Variants in MCCC2 observed in about 807,000 individuals in gnomAD.
The protein encoded by MCCC2 is methylcrotonoyl-CoA carboxylase beta chain, mitochondrial.
MCCC2 carries 52 observed loss-of-function variants against 77.2 expected under a neutral mutation model. The observed-to-expected ratio is 0.67, with a 90% CI of 0.54 to 0.85. The LOEUF is 0.85. Ranked by LOEUF, MCCC2 falls within the 40% of genes least tolerant of loss-of-function variation. The probability of loss-of-function intolerance (pLI) is 0.00; values close to 1 mark genes in which losing one functional copy is unlikely to be tolerated. For missense variants in MCCC2, 682 were observed against 703.2 expected, an observed-to-expected ratio of 0.97 and a Z score of 0.34; for synonymous variants, 253 against 248.4, an observed-to-expected ratio of 1.02 and a Z score of -0.18.
intron 2 of MCCC2, among the ~76,000 whole-genome samples, chr5:71,594,464 G>T (rs574511978): frequency 2.0e-5 from 3 of 150,308 alleles, no homozygotes; most frequent in Non-Finnish European, 2.9e-5. Context: ...GGAGGCGGAG[G>T]TTGCAGTGAG....
At chr5:71,587,699 A>G (rs1744819078) in intron 1 of MCCC2, 145 bp downstream of exon 1, 1 of 1,122,964 alleles carries the variant, frequency 8.9e-7, no homozygotes, top group Non-Finnish European at 1.3e-6. Flanking sequence ...AGAAAAGCCT[A>G]ACAGATACAA....
intron 8 of MCCC2, 144 bp from the exon 9 acceptor site, chr5:71,634,799 C>G (rs1017359766): frequency 1.4e-6 from 1 of 724,040 alleles, no homozygotes; most frequent in South Asian, 1.7e-5. Context: ...CTTAAGATGA[C>G]ATTTATTAAA....
rs1261633933 is a variant in MCCC2 at position 71,634,941 on chromosome 5, A to C, written c.804-2A>C. The C allele has an allele frequency of 6.2e-7, 1 of 1,613,798 alleles. No individual in the cohort carries two copies. Among genetic ancestry groups the C allele is most frequent in the South Asian group, 1.1e-5 (1 of 91,076 alleles). On this transcript the variant is annotated splice_acceptor_variant, in intron 8 of 16. Transcript: ENST00000340941. LOFTEE classifies it high-confidence loss of function. ...GACAAGTTTAGTTTGCTTATTCTGT[A>C]GAAAGTCTGGAGTAAGTGACCACTG...
At chr5:71,654,680 C>A (rs1002259684) in intron 16 of MCCC2, among the ~76,000 whole-genome samples, 13 of 152,012 alleles carry the variant, frequency 8.6e-5, no homozygotes, top group African/African-American at 3.1e-4. Flanking sequence ...TAAGATAAAT[C>A]ATCTCTTGAG....
At chr5:71,611,025 TA>T (rs35239959) in intron 6 of MCCC2, among the ~76,000 whole-genome samples, 3 of 152,076 alleles carry the variant, frequency 2.0e-5, no homozygotes, top group Non-Finnish European at 1.5e-5. Flanking sequence ...AAACAGGGTT[TA>T]AAAAGAAAGG....
At chr5:71,633,253 T>G (rs2112432599) in intron 8 of MCCC2, among the ~76,000 whole-genome samples, 1 of 151,340 alleles carries the variant, frequency 6.6e-6, no homozygotes, top group South Asian at 2.1e-4. Flanking sequence ...AGTGAGCCAC[T>G]GCACCTGGAC....
chr5:71,610,452 C>A (rs1222344108), intron 6 of MCCC2, among the ~76,000 whole-genome samples: 1 of 152,188 alleles, frequency 6.6e-6, no homozygotes, highest in Non-Finnish European at 1.5e-5. Flanking sequence ...CACCCACTGA[C>A]CTGCGCCCAC....
intron 6 of MCCC2, among the ~76,000 whole-genome samples, chr5:71,613,269 TA>T (rs1746032868): frequency 1.3e-5 from 2 of 152,252 alleles, no homozygotes; most frequent in African/African-American, 2.4e-5. Flanking sequence ...TTAAGCACTA[TA>T]GCCCTCTATC....
In MCCC2 at chr5:71,604,734, C is replaced by T. The variant is rs528873535; in HGVS notation, c.624+266C>T. 2.5e-3 allele frequency among the ~76,000 whole-genome samples: 376 copies of T among 151,504 alleles called. 1 individual carries two copies. Among genetic ancestry groups the T allele is most frequent in the African/African-American group, 8.8e-3 (362 of 41,244 alleles). ...CTCCCAATGCTATCCCTCCCCGCTCCCCCCACCCCACCACAGTCCCCAGAG... is the reference window on the plus strand; with the variant it reads ...CTCCCAATGCTATCCCTCCCCGCTCTCCCCACCCCACCACAGTCCCCAGAG... On this transcript the variant is annotated intron_variant, in intron 6 of 16. Transcript: ENST00000340941.
intron 1 of MCCC2, 59 bp downstream of exon 1, chr5:71,587,613 A>G: frequency 6.6e-7 from 1 of 1,523,112 alleles, no homozygotes; most frequent in Non-Finnish European, 8.8e-7. Context: ...CAAGTGGAGG[A>G]GGGGCACGCT....
chr5:71,610,768 C>T (rs1336666566), intron 6 of MCCC2, among the ~76,000 whole-genome samples: 7 of 152,186 alleles, frequency 4.6e-5, no homozygotes, highest in Non-Finnish European at 5.9e-5. Context: ...GGGGGGATCA[C>T]GAGGTCAGGA....
chr5:71,652,425 C>T (rs955645991), intron 15 of MCCC2, among the ~76,000 whole-genome samples: 2 of 152,182 alleles, frequency 1.3e-5, no homozygotes, highest in African/African-American at 4.8e-5. Context: ...GTACCCTGGG[C>T]TTTCACCTTA....
chr5:71,595,771 A>G (rs576320452), intron 2 of MCCC2, among the ~76,000 whole-genome samples: 1 of 152,292 alleles, frequency 6.6e-6, no homozygotes, highest in Non-Finnish European at 1.5e-5. Flanking sequence ...AAGGAAGGGG[A>G]CTTTTAAATT....
chr5:71,621,256 C>T (rs1746339686), intron 6 of MCCC2, among the ~76,000 whole-genome samples: 1 of 152,102 alleles, frequency 6.6e-6, no homozygotes, highest in Non-Finnish European at 1.5e-5. Flanking sequence ...CCTGTACTCT[C>T]AGCTTCTTAG....
intron 6 of MCCC2, among the ~76,000 whole-genome samples, chr5:71,612,377 G>A (rs1219564375): frequency 1.3e-5 from 2 of 151,952 alleles, no homozygotes; most frequent in Non-Finnish European, 2.9e-5. Context: ...AATTGTTTAT[G>A]GTATATTTTA....
At chr5:71,633,133 T>TATATATATTTA (rs1561841506) in intron 8 of MCCC2, among the ~76,000 whole-genome samples, 3 of 113,018 alleles carry the variant, frequency 2.7e-5, no homozygotes, top group African/African-American at 1.3e-4. Context: ...ATATATATAT[T>TATATATATTTA]TTTATTTTTT....
At chr5:71,646,621 C>T (rs1747281780) in intron 13 of MCCC2, among the ~76,000 whole-genome samples, 1 of 152,162 alleles carries the variant, frequency 6.6e-6, no homozygotes, top group Non-Finnish European at 1.5e-5. Flanking sequence ...CCGCCTTGTT[C>T]TCCCAAAGTG....
chr5:71,643,655 G>A, intron 11 of MCCC2, 164 bp from the exon 12 acceptor site: 1 of 1,376,842 alleles, frequency 7.3e-7, no homozygotes, highest in African/African-American at 1.4e-5. Flanking sequence ...AGGACCTTAG[G>A]AACAAGAAGA....
Position 71,649,229 on chromosome 5 carries a change from A to G in MCCC2, c.1349A>G (p.Tyr450Cys). 1 of 1,614,160 alleles carries G rather than the reference A, an allele frequency of 6.2e-7. No individual in the cohort carries two copies. The highest frequency in any genetic ancestry group is 8.5e-7 in the Non-Finnish European group (1 of 1,179,986). ...IIGGSYGAGN[Y>C]GMCGRAYSPR... The stretch of plus-strand genomic sequence containing the variant: ...GGGGGCTCCTATGGAGCCGGAAACT[A>G]TGGGATGTGTGGCAGAGCATATAGG... Residue 450 changes from tyrosine to cysteine, a missense_variant, in exon 14 of 17, where the codon TAT becomes TGT. Transcript: ENST00000340941.
Sources: gnomAD v4.1 joint callset for allele counts (sites outside exome capture counted in the v4.1 genomes callset) on GRCh38, gnomAD v4.1.1 for gene constraint, MANE v1.5 for transcripts, NCBI Gene and HGNC (gene_info 2026-07-23, HGNC 2026-07-21) for gene names.